Variants in ROBO2 observed in about 807,000 individuals in gnomAD.
ROBO2 encodes roundabout homolog 2.
A neutral mutation model predicts 160.8 loss-of-function variants in ROBO2; 53 were observed. That is an observed-to-expected ratio of 0.33 (90% CI 0.26 to 0.41). ROBO2 has a LOEUF of 0.41. Ranked by LOEUF, ROBO2 falls within the 10% of genes least tolerant of loss-of-function variation. The probability of loss-of-function intolerance (pLI) is 1.00; values close to 1 mark genes in which losing one functional copy is unlikely to be tolerated. For synonymous variants in ROBO2, 664 were observed against 611.7 expected, an observed-to-expected ratio of 1.09 and a Z score of -1.26; for missense variants, 1,577 against 1,722.4, an observed-to-expected ratio of 0.92 and a Z score of 1.49.
At chr3:77,555,243 G>C (rs2093069421) in intron 8 of ROBO2, among the ~76,000 whole-genome samples, 1 of 151,720 alleles carries the variant, frequency 6.6e-6, no homozygotes, top group Non-Finnish European at 1.5e-5. Flanking sequence ...ATACGCACTG[G>C]GAAAAAAAAT....
At chr3:76,103,469 T>C (rs1358770811) in intron 2 of ROBO2, among the ~76,000 whole-genome samples, 1 of 152,206 alleles carries the variant, frequency 6.6e-6, no homozygotes, top group Admixed American at 6.5e-5. Flanking sequence ...CTGCTCACAA[T>C]ACACAGCTCT....
chr3:77,063,696 A>G (rs753148491), intron 1 of ROBO2, among the ~76,000 whole-genome samples: 3 of 152,226 alleles, frequency 2.0e-5, no homozygotes, highest in Admixed American at 1.3e-4. Context: ...AGCAACGTAT[A>G]CATAAGGAAG....
intron 2 of ROBO2, among the ~76,000 whole-genome samples, chr3:76,792,799 G>A (rs887594281): frequency 6.6e-6 from 1 of 151,634 alleles, no homozygotes; most frequent in Non-Finnish European, 1.5e-5. Context: ...CTAAGTTGTA[G>A]GATATGAATA....
chr3:77,621,109 T>C (rs1284028523), intron 22 of ROBO2, among the ~76,000 whole-genome samples: 2 of 152,108 alleles, frequency 1.3e-5, no homozygotes, highest in African/African-American at 4.8e-5. Context: ...TCACTTAAAT[T>C]TGACCTTCAC....
intron 2 of ROBO2, among the ~76,000 whole-genome samples, chr3:76,531,592 TTTTTG>T (rs2082228821): frequency 6.6e-6 from 1 of 151,246 alleles, no homozygotes; most frequent in South Asian, 2.1e-4. Flanking sequence ...TCTCTTTTGA[TTTTTG>T]TTTTGTTTTG....
At chr3:76,327,440 T>G (rs2073118659) in intron 2 of ROBO2, among the ~76,000 whole-genome samples, 1 of 152,180 alleles carries the variant, frequency 6.6e-6, no homozygotes, top group African/African-American at 2.4e-5. Context: ...GCTTTCAAAT[T>G]TGATAATGAC....
rs760284776 is a variant in ROBO2 at position 77,333,980 on chromosome 3, CTCTT to C, written c.389-143420_389-143417del. ...ATTCAGATTGAGTAAGCTCTTTAAGCTCTTTCTTTCTTTCTTTTTTAAGTTAAAG... is the reference window on the plus strand; with the variant it reads ...ATTCAGATTGAGTAAGCTCTTTAAGCTCTTTCTTTCTTTTTTAAGTTAAAG... On this transcript the variant is annotated intron_variant, in intron 2 of 25. Coordinates refer to ENST00000461745, the Ensembl canonical transcript of ROBO2. Among the ~76,000 whole-genome samples the C allele has an allele frequency of 5.9e-5, 9 of 152,152 alleles. No homozygotes were observed. In the East Asian group the frequency reaches 7.7e-4, roughly 13 times the overall value.
chr3:77,022,645 C>T (rs1258555226), intron 2 of ROBO2, among the ~76,000 whole-genome samples: 5 of 152,084 alleles, frequency 3.3e-5, no homozygotes, highest in African/African-American at 1.2e-4. Flanking sequence ...TTTGATTAAA[C>T]AAATTTTTAT....
chr3:76,099,562 T>C (rs1448820644), intron 2 of ROBO2, among the ~76,000 whole-genome samples: 2 of 152,116 alleles, frequency 1.3e-5, no homozygotes, highest in South Asian at 2.1e-4. Flanking sequence ...TATGTTGAAA[T>C]TGAAATATTA....
At chr3:76,355,506 G>C (rs972543358) in intron 2 of ROBO2, among the ~76,000 whole-genome samples, 1 of 151,700 alleles carries the variant, frequency 6.6e-6, no homozygotes, top group African/African-American at 2.4e-5. Flanking sequence ...GATGGCAACT[G>C]GTTGAGCTAT....
intron 2 of ROBO2, among the ~76,000 whole-genome samples, chr3:76,947,445 A>G (rs1213090349): frequency 6.6e-6 from 1 of 152,214 alleles, no homozygotes; most frequent in Non-Finnish European, 1.5e-5. Flanking sequence ...AGAATAAAAT[A>G]TAAATGTTTC....
At chr3:77,079,552 G>A (rs569619209) in intron 1 of ROBO2, among the ~76,000 whole-genome samples, 1 of 152,318 alleles carries the variant, frequency 6.6e-6, no homozygotes, top group African/African-American at 2.4e-5. Flanking sequence ...GATCTACTAT[G>A]TAAGAAGTAT....
chr3:76,107,931 A>G (rs2108214020), intron 2 of ROBO2, among the ~76,000 whole-genome samples: 1 of 152,194 alleles, frequency 6.6e-6, no homozygotes, highest in Middle Eastern at 3.4e-3. Context: ...AATTGTTGCC[A>G]TTTTATGTGA....
intron 2 of ROBO2, among the ~76,000 whole-genome samples, chr3:77,376,170 T>TTC: frequency 4.0e-5 from 6 of 149,132 alleles, no homozygotes; most frequent in African/African-American, 1.5e-4. Flanking sequence ...TTTTTTTTTT[T>TTC]TTTTGACAGA....
chr3:77,476,265 T>TTTGACCTA (rs1388323549), intron 2 of ROBO2, among the ~76,000 whole-genome samples: 1 of 152,022 alleles, frequency 6.6e-6, no homozygotes, highest in Non-Finnish European at 1.5e-5. Flanking sequence ...AGGCAGTTGG[T>TTTGACCTA]TTGACCTAAT....
intron 7 of ROBO2, among the ~76,000 whole-genome samples, chr3:77,549,004 T>C (rs953820344): frequency 6.6e-6 from 1 of 151,974 alleles, no homozygotes; most frequent in Non-Finnish European, 1.5e-5. Flanking sequence ...AGCCTGAACT[T>C]AATGGTCCAT....
intron 2 of ROBO2, among the ~76,000 whole-genome samples, chr3:76,102,864 G>A (rs955610855): frequency 4.6e-5 from 7 of 150,598 alleles, no homozygotes; most frequent in African/African-American, 1.5e-4. Context: ...TCACTCTGTC[G>A]CCCAGGCTGG....
chr3:76,689,284 G>A (rs558246780), intron 2 of ROBO2, among the ~76,000 whole-genome samples: 1 of 152,016 alleles, frequency 6.6e-6, no homozygotes, highest in South Asian at 2.1e-4. Flanking sequence ...CTGGTACTGG[G>A]CTAGCAAAGT....
chr3:77,249,932 A>C (rs959376844), intron 2 of ROBO2, among the ~76,000 whole-genome samples: 4 of 151,854 alleles, frequency 2.6e-5, no homozygotes, highest in African/African-American at 9.7e-5. Flanking sequence ...TATGTATAAA[A>C]GTTTTACTTG....
Sources: allele counts gnomAD v4.1 joint callset (sites outside exome capture counted in the v4.1 genomes callset), GRCh38; gene constraint gnomAD v4.1.1; transcripts MANE v1.5; gene names NCBI Gene and HGNC (gene_info 2026-07-23, HGNC 2026-07-21).